The following CAPN11 variants were observed in gnomAD, a reference collection of about 807,000 sequenced individuals.
CAPN11 encodes the protein calpain 11.
A neutral mutation model predicts 105.3 loss-of-function variants in CAPN11; 108 were observed. That is an observed-to-expected ratio of 1.03 (90% CI 0.88 to 1.20). The LOEUF (loss-of-function observed/expected upper bound fraction) is 1.20. Among genes scored for constraint, CAPN11 ranks in the 50% most tolerant of loss-of-function variants. The pLI, the probability that CAPN11 is intolerant of heterozygous loss-of-function variation, is 0.00. For missense variants in CAPN11, 883 were observed against 924.8 expected (o/e 0.95, Z 0.59); for synonymous variants, 329 against 344.5 (o/e 0.96, Z 0.50).
At chr6:44,166,965 CTA>C (rs1238306426) in intron 2 of CAPN11, 136 bp downstream of exon 2, 1 of 645,384 alleles carries the variant, frequency 1.5e-6, no homozygotes, top group Non-Finnish European at 2.8e-6. Context: ...GGAGGGGAGG[CTA>C]CCCTCAGGAA....
At chr6:44,183,609 C>A in intron 21 of CAPN11, 96 bp from the exon 22 acceptor site, 1 of 1,113,682 alleles carries the variant, frequency 9.0e-7, no homozygotes, top group South Asian at 1.3e-5. Flanking sequence ...CAGCCAGGAA[C>A]ACCTGGTGTC....
chr6:44,180,651 G>C lies in CAPN11; in HGVS notation c.1735G>C (p.Val579Leu). ...DQDFLHLFKI[V>L]AGEGKEIGVY... ...GGACTTCCTACATTTGTTTAAGATA[G>C]TGGCAGGAGAGGTGAGCAGGCCACG... The change falls in exon 16 of 23, where the codon GTG becomes CTG. Residue 579 changes from valine to leucine, a missense_variant. Transcript: ENST00000398776. 2 of 1,613,806 alleles carry C rather than the reference G, an allele frequency of 1.2e-6. No individual in the cohort carries two copies. Among genetic ancestry groups the C allele is most frequent in the East Asian group, 4.5e-5 (2 of 44,860 alleles).
At chr6:44,166,696 T>A (rs1273376209) in intron 1 of CAPN11, 62 bp from the exon 2 acceptor site, 6 of 1,255,510 alleles carry the variant, frequency 4.8e-6, no homozygotes, top group Non-Finnish European at 6.8e-6. Flanking sequence ...CAGCCCCAGC[T>A]GGGCTCTGTT....
chr6:44,173,242 G>A lies in CAPN11; in HGVS notation c.687G>A (p.Leu229=). The change falls in exon 7 of 23, where the codon TTG becomes TTA. Residue 229 remains leucine (L), a synonymous_variant. Coordinates refer to ENST00000398776, the MANE Select transcript of CAPN11 (RefSeq NM_007058.4). ...YAKLSGSYEA[L]SGGSTMEGLE... Reference sequence around the variant, plus strand: ...GGCTGAGTGGGTCCTATGAAGCATTGTCAGGGGGCAGTACCATGGAGGGCC... The same window carrying A: ...GGCTGAGTGGGTCCTATGAAGCATTATCAGGGGGCAGTACCATGGAGGGCC... The A allele has an allele frequency of 6.2e-7, 1 of 1,613,952 alleles. No homozygotes were observed.
At chr6:44,173,141 G>T in intron 6 of CAPN11, 68 bp downstream of exon 6, 1 of 1,603,864 alleles carries the variant, frequency 6.2e-7, no homozygotes, top group East Asian at 2.2e-5. Flanking sequence ...TCAGGGGGAG[G>T]GGAGGGGGTA....
intron 21 of CAPN11, 27 bp from the exon 22 acceptor site, chr6:44,183,678 C>T (rs1157823748): frequency 1.2e-6 from 2 of 1,611,496 alleles, no homozygotes; most frequent in Admixed American, 3.3e-5. Context: ...CATTCAGCCC[C>T]TCTCCCCCGC....
rs752401365 is a variant in CAPN11 at position 44,172,939 on chromosome 6, G to T, written c.529-1G>T. ...AAGGGGTGTGTGTTTGCTACCCACA[G>T]ATTTGGCAGTTTGGACAGTGGGTGA... On this transcript the variant is annotated splice_acceptor_variant, in intron 5 of 22. Transcript: ENST00000398776. LOFTEE classifies it high-confidence loss of function. 22 of 1,613,228 alleles carry T rather than the reference G, an allele frequency of 1.4e-5. No individual in the cohort carries two copies. In the South Asian group the frequency reaches 2.2e-4, roughly 16 times the overall value.
intron 1 of CAPN11, chr6:44,162,054 G>C (rs1235656887): frequency 8.1e-6 from 3 of 369,718 alleles, no homozygotes; most frequent in African/African-American, 2.1e-5. Flanking sequence ...GCTCCCCTGA[G>C]ACCTGCCCCA....
intron 1 of CAPN11, among the ~76,000 whole-genome samples, chr6:44,165,339 C>T (rs1769617908): frequency 6.6e-6 from 1 of 152,154 alleles, no homozygotes; most frequent in Admixed American, 6.5e-5. Flanking sequence ...GTGTCAGAAA[C>T]AAATGCAAAC....
intron 1 of CAPN11, chr6:44,161,914 G>A (rs1359267682): frequency 4.4e-6 from 2 of 455,910 alleles, no homozygotes; most frequent in Admixed American, 2.4e-5. Flanking sequence ...TAGATGATTC[G>A]CTCAACCCAG....
intron 1 of CAPN11, 65 bp from the exon 2 acceptor site, chr6:44,166,693 A>C (rs978402390): frequency 4.5e-5 from 55 of 1,215,194 alleles, no homozygotes; most frequent in Non-Finnish European, 6.1e-5. Flanking sequence ...CCCCAGCCCC[A>C]GCTGGGCTCT....
chr6:44,178,081 A>G (rs1375837358), intron 12 of CAPN11, among the ~76,000 whole-genome samples: 6 of 152,132 alleles, frequency 3.9e-5, no homozygotes, highest in African/African-American at 1.4e-4. Context: ...TGACTCTTGA[A>G]TGGTGCTTTG....
intron 2 of CAPN11, 25 bp downstream of exon 2, chr6:44,166,854 T>C (rs1349971530): frequency 8.1e-6 from 12 of 1,486,742 alleles, no homozygotes; most frequent in Non-Finnish European, 9.2e-6. Flanking sequence ...CCGTCGTGGC[T>C]CTGTGGCCTC....
At position 44,183,027 on chromosome 6, in the gene CAPN11, A is replaced by G. The variant is rs202081493; in HGVS notation, c.2017+8A>G. On this transcript the variant is annotated splice_region_variant and intron_variant, in intron 20 of 22. Coordinates refer to ENST00000398776, the MANE Select transcript of CAPN11 (RefSeq NM_007058.4). ...TGGTTATTGAGAAAGCAGGTGGCCAAGGGTCAGGAGTGGGCCTTGGGGCAG... is the reference window on the plus strand; with the variant it reads ...TGGTTATTGAGAAAGCAGGTGGCCAGGGGTCAGGAGTGGGCCTTGGGGCAG... 2.9e-5 allele frequency: 46 copies of G among 1,611,998 alleles called. No individual in the cohort carries two copies. In the African/African-American group the frequency reaches 5.2e-4, roughly 18 times the overall value.
chr6:44,181,516 A>T, intron 19 of CAPN11, among the ~76,000 whole-genome samples, 196 bp downstream of exon 19: 1 of 123,956 alleles, frequency 8.1e-6, no homozygotes, highest in Non-Finnish European at 1.8e-5. Flanking sequence ...ACACTCACAT[A>T]CAGACACAAC....
rs184722535 is a variant in CAPN11, at chr6:44,175,810, G to A, written c.832-258G>A. The stretch of plus-strand genomic sequence containing the variant: ...AAATAATAATAATAATTTTTAAAAC[G>A]TTCTAGTTTTGATATTTCACTGTAG... On this transcript the variant is annotated intron_variant, in intron 7 of 22. Coordinates refer to ENST00000398776, the MANE Select transcript of CAPN11 (RefSeq NM_007058.4). Among the ~76,000 whole-genome samples the A allele has an allele frequency of 1.6e-3, 239 of 151,784 alleles. 1 individual carries two copies. The highest frequency in any genetic ancestry group is 5.4e-3 in the African/African-American group (224 of 41,322).
intron 19 of CAPN11, among the ~76,000 whole-genome samples, chr6:44,182,668 C>G (rs1773979035): frequency 2.6e-5 from 4 of 152,288 alleles, no homozygotes; most frequent in South Asian, 2.1e-4. Flanking sequence ...TCTCTGCTTA[C>G]TGTAACCTCC....
chr6:44,165,501 C>A (rs900090775), intron 1 of CAPN11, among the ~76,000 whole-genome samples: 1 of 152,140 alleles, frequency 6.6e-6, no homozygotes, highest in African/African-American at 2.4e-5. Context: ...GCCCCTATCG[C>A]GGGCTGTGTG....
chr6:44,166,165 G>A (rs1003655523), intron 1 of CAPN11, among the ~76,000 whole-genome samples: 9 of 152,176 alleles, frequency 5.9e-5, no homozygotes, highest in Non-Finnish European at 1.3e-4. Flanking sequence ...GCTTGGGGCA[G>A]TGGCAAGAGG....
Sources: allele counts gnomAD v4.1 joint callset (sites outside exome capture counted in the v4.1 genomes callset), GRCh38; gene constraint gnomAD v4.1.1; transcripts MANE v1.5; gene names NCBI Gene and HGNC (gene_info 2026-07-23, HGNC 2026-07-21).